Variants in SCN1A observed in about 807,000 individuals in gnomAD.
SCN1A encodes the protein sodium channel protein type 1 subunit alpha.
Under a neutral mutation model 193.7 loss-of-function variants are expected in SCN1A, and 13 were observed. The observed-to-expected ratio is 0.07, with a 90% CI of 0.04 to 0.11. SCN1A has a LOEUF of 0.11. SCN1A is among the 10% of genes least tolerant of loss of function. The probability of loss-of-function intolerance (pLI) is 1.00; values close to 1 mark genes in which losing one functional copy is unlikely to be tolerated. For synonymous variants in SCN1A, 781 were observed against 843.6 expected (o/e 0.93, Z 1.29); for missense variants, 1,432 against 2,451.1 (o/e 0.58, Z 8.78).
chr2:166,081,136 G>GT (rs1685480006), intron 2 of SCN1A, among the ~76,000 whole-genome samples: 2 of 151,904 alleles, frequency 1.3e-5, no homozygotes, highest in African/African-American at 4.8e-5. Flanking sequence ...GTGACTGGGA[G>GT]TGGTAAACCA....
chr2:166,042,321 A>C lies in SCN1A; in HGVS notation c.2147T>G (p.Ile716Arg). Residue 716 changes from isoleucine (I) to arginine (R), a missense_variant, in exon 15 of 29, where the codon ATA (isoleucine) becomes AGA (arginine). Ile to Arg is a moderately conservative substitution (Grantham distance 97). This residue lies in a region of SCN1A where 316 missense variants were observed against 362.1 expected (regional missense o/e 0.87). Coordinates refer to ENST00000674923, the MANE Select transcript of SCN1A (RefSeq NM_001165963.4). Reference protein sequence around the residue: ...DPSQRQRAMSIASILTNTVEE... With the variant: ...DPSQRQRAMSRASILTNTVEE... ...TACTGTATTTGTTAGAATGCTGGCT[A>C]TACTCATTGCTCGTTGCCTTTGGGA... 1.2e-6 allele frequency: 2 copies of C among 1,613,962 alleles called. No homozygotes were observed. Among genetic ancestry groups the C allele is most frequent in the East Asian group, 2.2e-5 (1 of 44,832 alleles).
At chr2:166,041,490 A>AAT in intron 15 of SCN1A, 21 bp from the exon 16 acceptor site, 1 of 1,444,164 alleles carries the variant, frequency 6.9e-7, no homozygotes, top group Non-Finnish European at 9.6e-7. Context: ...AAAAAAAAAA[A>AAT]AAAGAACCAC....
chr2:166,057,685 A>G (rs1475942964), intron 5 of SCN1A, among the ~76,000 whole-genome samples: 1 of 152,032 alleles, frequency 6.6e-6, no homozygotes, highest in African/African-American at 2.4e-5. Context: ...ACCACTAAAG[A>G]AATTTCTTGC....
chr2:166,128,861 C>T (rs579425), upstream of SCN1A, among the ~76,000 whole-genome samples: 129,369 of 151,724 alleles, frequency 0.85, 55,250 homozygotes, highest in East Asian at 0.98. Context: ...AAATCCATGC[C>T]AAACTAATTA....
Position 165,995,385 on chromosome 2 carries a change from C to T in SCN1A, c.4581+628G>A, listed in dbSNP as rs888955048. 3.3e-5 allele frequency among the ~76,000 whole-genome samples: 5 copies of T among 151,860 alleles called. No individual in the cohort carries two copies. The East Asian group carries it at 7.8e-4, about 24-fold the overall frequency. Reference sequence around the variant, plus strand: ...TTTATAGTGTGGGATAATAGCTGTACATTTTCATAGCAATTTGTTTATTTC... The same window carrying T: ...TTTATAGTGTGGGATAATAGCTGTATATTTTCATAGCAATTTGTTTATTTC... On this transcript the variant is annotated intron_variant, in intron 27 of 28. Coordinates refer to ENST00000674923, the MANE Select transcript of SCN1A (RefSeq NM_001165963.4).
chr2:166,068,779 G>A (rs985006364), intron 4 of SCN1A, among the ~76,000 whole-genome samples: 1 of 152,062 alleles, frequency 6.6e-6, no homozygotes, highest in Non-Finnish European at 1.5e-5. Context: ...GAGAGAATAA[G>A]TTACTTTTAA....
chr2:166,131,068 TA>T (rs5836087), upstream of SCN1A, among the ~76,000 whole-genome samples: 44,797 of 151,588 alleles, frequency 0.3, 6,710 homozygotes, highest in African/African-American at 0.35. Context: ...GCATTTTATT[TA>T]TTTTTTTGTA....
At chr2:166,142,375 G>A (rs1423463916) in intron 1 of SCN1A, among the ~76,000 whole-genome samples, 1 of 152,198 alleles carries the variant, frequency 6.6e-6, no homozygotes, top group Non-Finnish European at 1.5e-5. Context: ...ACTCAATTTA[G>A]ACAAAGTAAG....
intron 2 of SCN1A, among the ~76,000 whole-genome samples, chr2:166,084,597 C>CACT (rs1300650705): frequency 6.6e-6 from 1 of 152,112 alleles, no homozygotes; most frequent in African/African-American, 2.4e-5. Flanking sequence ...AAGATGCCAA[C>CACT]ACTAGCATTT....
rs560985777 is a variant in SCN1A at position 166,082,315 on chromosome 2, T to G, written c.-141-4514A>C. Among the ~76,000 whole-genome samples the G allele has an allele frequency of 1.1e-3, 171 of 152,138 alleles. 1 individual carries two copies. Among genetic ancestry groups the G allele is most frequent in the African/African-American group, 3.9e-3 (164 of 41,548 alleles). On this transcript the variant is annotated intron_variant, in intron 2 of 28. Transcript: ENST00000674923. ...TACGCAGCTTATTAATGGTGGGACTTAAATCAGAACTTTTATTTTCTAACT... is the reference window on the plus strand; with the variant it reads ...TACGCAGCTTATTAATGGTGGGACTGAAATCAGAACTTTTATTTTCTAACT...
intron 2 of SCN1A, among the ~76,000 whole-genome samples, chr2:166,106,743 A>G (rs939595592): frequency 8.5e-5 from 13 of 152,174 alleles, no homozygotes; most frequent in African/African-American, 3.1e-4. Context: ...CACGTTGCCA[A>G]TGGTCCATTG....
At position 165,992,310 on chromosome 2, in the gene SCN1A, C is replaced by A; in HGVS notation, c.4965G>T (p.Gly1655=). Residue 1655 remains glycine, a synonymous_variant, in exon 29 of 29, where the codon GGG becomes GGT. Transcript: ENST00000674923. This position sits in a 1 kb window ranked among gnomAD's most constrained non-coding sequence, Gnocchi z 6.5. Reference sequence around the variant, plus strand: ...TCAAAGCAAAGAGCAGCGTGCGGATCCCCTTTGCTCCTTTGATCAGACGTA... The same window carrying A: ...TCAAAGCAAAGAGCAGCGTGCGGATACCCTTTGCTCCTTTGATCAGACGTA... ...RILRLIKGAK[G]IRTLLFALMM... The A allele has an allele frequency of 6.2e-7, 1 of 1,613,740 alleles. No homozygotes were observed. The highest frequency in any genetic ancestry group is 8.5e-7 in the Non-Finnish European group (1 of 1,179,858).
chr2:166,029,552 A>G (rs913227950), intron 19 of SCN1A, among the ~76,000 whole-genome samples: 3 of 152,168 alleles, frequency 2.0e-5, no homozygotes, highest in African/African-American at 7.2e-5. Flanking sequence ...TAACCCATAT[A>G]ACGTAAGATA....
intron 23 of SCN1A, among the ~76,000 whole-genome samples, chr2:166,006,677 T>C (rs952220552): frequency 5.3e-5 from 8 of 151,350 alleles, no homozygotes; most frequent in Non-Finnish European, 8.9e-5. Context: ...ATTTTGAAAA[T>C]AACCCCATAT....
At chr2:166,063,062 T>G (rs1219148456) in intron 4 of SCN1A, among the ~76,000 whole-genome samples, 2 of 152,060 alleles carry the variant, frequency 1.3e-5, no homozygotes, top group Non-Finnish European at 2.9e-5. Flanking sequence ...CAGCAAGACT[T>G]TGTGGTTTAG....
Position 165,988,291 on chromosome 2 carries a change from T to C in SCN1A, c.*2954A>G, listed in dbSNP as rs958627392. ...AGCAAGGCACATCTTTGCTTCCTGC[T>C]GACTTTCATGAGCTGTTGAATCACC... is the stretch of plus-strand genomic sequence containing the variant. On this transcript the variant is annotated 3_prime_UTR_variant, in exon 29 of 29. Transcript: ENST00000674923. 1 of 152,122 alleles carries C rather than the reference T, an allele frequency of 6.6e-6. No individual in the cohort carries two copies. The highest frequency in any genetic ancestry group is 6.6e-5 in the Admixed American group (1 of 15,258). 9.4% of individuals were successfully genotyped at this position (152,122 alleles called of 1,614,324 possible).
At chr2:166,062,046 C>T (rs981389104) in intron 4 of SCN1A, among the ~76,000 whole-genome samples, 13 of 152,070 alleles carry the variant, frequency 8.5e-5, no homozygotes, top group Non-Finnish European at 1.3e-4. Flanking sequence ...TACTGAACAA[C>T]GGTATTTGTT....
rs5836074 is a variant in SCN1A at position 166,045,478 on chromosome 2, AT to A, written c.1378-152del. ...AGATTCTCTGCAAGTATAAGAGGAG[AT>A]TTTTTTTTTCTTTCTACCTAATGAA... On this transcript the variant is annotated intron_variant, in intron 12 of 28. Coordinates refer to ENST00000674923, the MANE Select transcript of SCN1A (RefSeq NM_001165963.4). 0.69 allele frequency: 521,490 copies of A among 756,636 alleles called. 183,086 individuals carry two copies. The highest frequency in any genetic ancestry group is 0.89 in the East Asian group (31,730 of 35,730). The allele number at this position is 756,636 out of a possible 1,614,324, so 46.9% of individuals were successfully genotyped here.
At chr2:166,040,209 C>T (rs578151110) in intron 16 of SCN1A, among the ~76,000 whole-genome samples, 5 of 152,262 alleles carry the variant, frequency 3.3e-5, no homozygotes, top group South Asian at 4.1e-4. Context: ...TGAGCCACTG[C>T]GCCCAGCCCA....
Sources: allele counts gnomAD v4.1 joint callset (sites outside exome capture counted in the v4.1 genomes callset), GRCh38; gene constraint gnomAD v4.1.1; regional missense constraint gnomAD v4.1.1; non-coding constraint Gnocchi (gnomAD v3.1); transcripts MANE v1.5; gene names NCBI Gene and HGNC (gene_info 2026-07-23, HGNC 2026-07-21).